ASIC2: variants seen among roughly 807,000 people sequenced by gnomAD.
ASIC2 encodes acid-sensing ion channel 2.
A neutral mutation model predicts 57.3 loss-of-function variants in ASIC2; 25 were observed. The observed-to-expected ratio is 0.44, with a 90% CI of 0.32 to 0.61. The LOEUF (loss-of-function observed/expected upper bound fraction) is 0.61. Among genes scored for constraint, ASIC2 ranks in the 20% least tolerant of loss-of-function variants. ASIC2 has a pLI of 0.06. For synonymous variants in ASIC2, 319 were observed against 307.5 expected, an observed-to-expected ratio of 1.04 and a Z score of -0.39; for missense variants, 641 against 738.1, an observed-to-expected ratio of 0.87 and a Z score of 1.52.
rs79979641 is a variant in ASIC2 at position 33,767,262 on chromosome 17, C to G, written c.555+388716G>C. On this transcript the variant is annotated intron_variant, in intron 1 of 9. Coordinates refer to the ASIC2 transcript ENST00000359872. ...GTCTCTCTTTGTGACTTTTCCAGGG[C>G]GTTCAAAAGTATATTTCCTGTGCGC... Among the ~76,000 whole-genome samples, 3 of 152,274 alleles carry G rather than the reference C, an allele frequency of 2.0e-5. No individual in the cohort carries two copies. In the East Asian group the frequency reaches 5.8e-4, roughly 29 times the overall value.
intron 1 of ASIC2, among the ~76,000 whole-genome samples, chr17:33,410,895 T>A (rs1399568272): frequency 6.6e-6 from 1 of 152,168 alleles, no homozygotes; most frequent in East Asian, 1.9e-4. Flanking sequence ...AGGATTGAAG[T>A]GGATGCCAGT....
At chr17:34,012,831 C>G (rs1380165679) in intron 1 of ASIC2, among the ~76,000 whole-genome samples, 1 of 151,934 alleles carries the variant, frequency 6.6e-6, no homozygotes, top group Non-Finnish European at 1.5e-5. Context: ...GGAAAGAGTT[C>G]AGGTCTCACT....
intron 1 of ASIC2, among the ~76,000 whole-genome samples, chr17:33,638,005 G>T (rs1482723535): frequency 6.6e-6 from 1 of 152,124 alleles, no homozygotes; most frequent in Admixed American, 6.5e-5. Context: ...TCTGGGTGGG[G>T]GCCACAGGAC....
intron 1 of ASIC2, among the ~76,000 whole-genome samples, chr17:33,366,089 T>C (rs1221424699): frequency 6.6e-6 from 1 of 152,240 alleles, no homozygotes; most frequent in Non-Finnish European, 1.5e-5. Flanking sequence ...GGCTGTTTGC[T>C]TCTGGCTGAT....
intron 1 of ASIC2, chr17:34,004,010 G>T (rs1378539406): frequency 6.6e-6 from 1 of 152,206 alleles, no homozygotes; most frequent in Non-Finnish European, 1.5e-5. Flanking sequence ...ACTACAGAAT[G>T]CTGGCATCTA....
chr17:33,195,177 C>A (rs895441106), intron 1 of ASIC2, among the ~76,000 whole-genome samples: 1 of 152,182 alleles, frequency 6.6e-6, no homozygotes, highest in African/African-American at 2.4e-5. Flanking sequence ...CAACCCCAAC[C>A]TCCCTGAGCA....
intron 1 of ASIC2, among the ~76,000 whole-genome samples, chr17:34,119,787 C>A (rs1283237173): frequency 6.6e-6 from 1 of 152,174 alleles, no homozygotes; most frequent in East Asian, 1.9e-4. Context: ...AGCCACAATT[C>A]CCGTCTGTTA....
chr17:33,560,840 A>T (rs767918627), intron 1 of ASIC2, among the ~76,000 whole-genome samples: 12 of 152,204 alleles, frequency 7.9e-5, no homozygotes, highest in Non-Finnish European at 5.9e-5. Flanking sequence ...GAAAAACTGA[A>T]GCTTAGATAA....
chr17:33,428,988 G>A (rs1451754280), intron 1 of ASIC2, among the ~76,000 whole-genome samples: 1 of 152,104 alleles, frequency 6.6e-6, no homozygotes, highest in East Asian at 1.9e-4. Context: ...CTGCAATAAA[G>A]TAATTAAAGT....
intron 1 of ASIC2, among the ~76,000 whole-genome samples, chr17:34,150,843 G>C (rs993926075): frequency 6.6e-6 from 1 of 152,096 alleles, no homozygotes; most frequent in Admixed American, 6.5e-5. Flanking sequence ...AGGGTGGCGT[G>C]GTGGCTCACA....
intron 1 of ASIC2, among the ~76,000 whole-genome samples, chr17:33,813,446 GT>G (rs906115897): frequency 2.0e-5 from 3 of 151,964 alleles, no homozygotes; most frequent in East Asian, 1.9e-4. Flanking sequence ...TTTGATTTTT[GT>G]TTTTTTTGTG....
chr17:33,395,366 C>G (rs1772140809), intron 1 of ASIC2, among the ~76,000 whole-genome samples: 1 of 152,168 alleles, frequency 6.6e-6, no homozygotes, highest in Non-Finnish European at 1.5e-5. Context: ...TGGTGGAAGG[C>G]AAGGAGGAGC....
chr17:34,034,041 T>G (rs1448914379), intron 1 of ASIC2, among the ~76,000 whole-genome samples: 3 of 152,292 alleles, frequency 2.0e-5, no homozygotes, highest in Non-Finnish European at 2.9e-5. Context: ...TACCAAAGCC[T>G]GGCAGAGACA....
chr17:33,866,332 G>A (rs1914236296), intron 1 of ASIC2, among the ~76,000 whole-genome samples: 1 of 152,024 alleles, frequency 6.6e-6, no homozygotes, highest in African/African-American at 2.4e-5. Context: ...CCTTTTTAAT[G>A]TCTGTATTAT....
At chr17:33,222,161 C>A (rs1255098998) in intron 1 of ASIC2, among the ~76,000 whole-genome samples, 1 of 152,120 alleles carries the variant, frequency 6.6e-6, no homozygotes, top group Non-Finnish European at 1.5e-5. Context: ...TCATGGCTTT[C>A]CATCTACTGC....
At chr17:33,215,110 C>T (rs972354119) in intron 1 of ASIC2, among the ~76,000 whole-genome samples, 12 of 152,216 alleles carry the variant, frequency 7.9e-5, no homozygotes, top group African/African-American at 2.9e-4. Flanking sequence ...TCACACTCTT[C>T]ATCCAAAATG....
intron 3 of ASIC2, among the ~76,000 whole-genome samples, chr17:33,066,632 G>A (rs1428272527): frequency 6.6e-6 from 1 of 152,162 alleles, no homozygotes; most frequent in African/African-American, 2.4e-5. Flanking sequence ...ACAATTTGAA[G>A]ACCTATAGAG....
intron 1 of ASIC2, among the ~76,000 whole-genome samples, chr17:33,148,026 G>A (rs1163122945): frequency 6.6e-6 from 1 of 152,194 alleles, no homozygotes; most frequent in African/African-American, 2.4e-5. Context: ...CTGGAGAGGG[G>A]CAAAGACCAG....
At chr17:33,291,093 A>C in intron 1 of ASIC2, 4 of 356,420 alleles carry the variant, frequency 1.1e-5, no homozygotes, top group East Asian at 4.7e-5. Context: ...GAGGTCGGGA[A>C]GAAGGAGGCT....
Sources: gnomAD v4.1 joint callset for allele counts (sites outside exome capture counted in the v4.1 genomes callset) on GRCh38, gnomAD v4.1.1 for gene constraint, MANE v1.5 for transcripts, NCBI Gene and HGNC (gene_info 2026-07-23, HGNC 2026-07-21) for gene names.